The following CYP4X1 variants were observed in gnomAD, a reference collection of about 807,000 sequenced individuals.
CYP4X1 encodes cytochrome P450 4X1.
In CYP4X1, 44 loss-of-function variants were observed where a neutral mutation model predicts 57.9. That is an observed-to-expected ratio of 0.76 (90% confidence interval 0.60 to 0.98). The LOEUF is 0.98. CYP4X1 is among the 50% of genes least tolerant of loss of function. The pLI is 0.00. For missense variants in CYP4X1, 532 were observed against 623.9 expected, an observed-to-expected ratio of 0.85 and a Z score of 1.57; for synonymous variants, 227 against 228.6, an observed-to-expected ratio of 0.99 and a Z score of 0.06.
In CYP4X1 at chr1:47,035,850, G is replaced by C. The variant is rs1461410969; in HGVS notation, c.537G>C (p.Glu179Asp). Residue 179 changes from glutamate (E) to aspartate (D), a missense_variant, in exon 5 of 12, where the codon GAG becomes GAC. Physicochemically the swap from Glu to Asp is conservative, Grantham distance 45. Coordinates refer to ENST00000371901, the MANE Select transcript of CYP4X1 (RefSeq NM_178033.2). ...KICSTQDTSV[E>D]VYEHINSMSL... ...GCAGCACTCAGGACACAAGCGTGGA[G>C]GTCTATGAGCACATCAACTCGATGT... The C allele has an allele frequency of 6.2e-7, 1 of 1,613,530 alleles. No individual in the cohort carries two copies. The highest frequency in any genetic ancestry group is 2.2e-5 in the East Asian group (1 of 44,890).
At chr1:47,027,255 T>C (rs1036968817) in intron 1 of CYP4X1, among the ~76,000 whole-genome samples, 3 of 152,130 alleles carry the variant, frequency 2.0e-5, no homozygotes, top group Admixed American at 1.3e-4. Flanking sequence ...TGTCTAATAT[T>C]ACCAACCCTC....
intron 11 of CYP4X1, among the ~76,000 whole-genome samples, 176 bp from the exon 12 acceptor site, chr1:47,049,824 T>TC (rs1644342480): frequency 6.6e-6 from 1 of 152,176 alleles, no homozygotes. Context: ...TGTTGGAGCC[T>TC]CCCAGCTCAA....
the CYP4X1 span, among the ~76,000 whole-genome samples, chr1:47,006,236 T>G: frequency 6.6e-6 from 1 of 152,220 alleles, no homozygotes; most frequent in Non-Finnish European, 1.5e-5. Context: ...TAAGGAAATA[T>G]GGTTCTAAAA....
intron 1 of CYP4X1, among the ~76,000 whole-genome samples, chr1:47,024,935 C>T (rs1037001434): frequency 6.6e-6 from 1 of 152,152 alleles, no homozygotes; most frequent in Non-Finnish European, 1.5e-5. Flanking sequence ...TTATCGGTTT[C>T]TTCTGGTATT....
intron 8 of CYP4X1, among the ~76,000 whole-genome samples, chr1:47,042,834 A>G (rs1644261226): frequency 6.6e-6 from 1 of 152,040 alleles, no homozygotes; most frequent in South Asian, 2.1e-4. Flanking sequence ...TATACATCCC[A>G]CAATTTCTTT....
the CYP4X1 span, among the ~76,000 whole-genome samples, chr1:46,963,149 C>T: frequency 1.3e-5 from 2 of 152,138 alleles, no homozygotes; most frequent in Non-Finnish European, 2.9e-5. Flanking sequence ...ATGTGTGTCT[C>T]CACATGTGGG....
At chr1:47,006,930 G>A in the CYP4X1 span, among the ~76,000 whole-genome samples, 3 of 152,230 alleles carry the variant, frequency 2.0e-5, no homozygotes, top group Non-Finnish European at 4.4e-5. Flanking sequence ...AAGCGGCTGG[G>A]AAGCTCAAAC....
the CYP4X1 span, among the ~76,000 whole-genome samples, chr1:46,986,792 GA>G: frequency 4.8e-3 from 732 of 152,178 alleles, 11 homozygotes; most frequent in East Asian, 0.045. Flanking sequence ...CTTCATAAGT[GA>G]AGGAGAAATA....
rs1557607787 is a variant in CYP4X1, at chr1:47,039,404, G to A, written c.945G>A (p.Leu315=). The change falls in exon 8 of 12, where the codon TTG becomes TTA. Residue 315 remains leucine (L), a synonymous_variant. Coordinates refer to ENST00000371901, the MANE Select transcript of CYP4X1 (RefSeq NM_178033.2). The part of the protein sequence containing the change: ...DVHSEVSTFL[L]AGHDTLAASI... ...ACTCTGAAGTGAGCACATTCCTGTT[G>A]GCAGGACATGACACCTTGGCAGCAA... 1 of 1,613,416 alleles carries A rather than the reference G, an allele frequency of 6.2e-7. No individual in the cohort carries two copies. The highest frequency in any genetic ancestry group is 1.3e-5 in the African/African-American group (1 of 74,834).
chr1:46,968,639 C>A, the CYP4X1 span, among the ~76,000 whole-genome samples: 1 of 152,174 alleles, frequency 6.6e-6, no homozygotes, highest in Non-Finnish European at 1.5e-5. Context: ...AGTCACAGTC[C>A]AGTGCCTAGG....
chr1:46,996,386 C>T, the CYP4X1 span, among the ~76,000 whole-genome samples: 1 of 152,194 alleles, frequency 6.6e-6, no homozygotes, highest in African/African-American at 2.4e-5. Flanking sequence ...TGCCATGTTT[C>T]TTCCAGTGTT....
At chr1:46,991,013 C>A in the CYP4X1 span, among the ~76,000 whole-genome samples, 24 of 150,234 alleles carry the variant, frequency 1.6e-4, no homozygotes, top group African/African-American at 5.9e-4. Flanking sequence ...CAAACCTGCA[C>A]GTTCTGCACA....
chr1:47,042,989 G>C (rs1454434025), intron 8 of CYP4X1, among the ~76,000 whole-genome samples: 2 of 152,150 alleles, frequency 1.3e-5, no homozygotes, highest in Admixed American at 6.5e-5. Context: ...GGGATTGCTG[G>C]ATCAAATGGT....
At chr1:47,046,660 G>A (rs562884722) in intron 9 of CYP4X1, 60 bp downstream of exon 9, 2 of 1,610,596 alleles carry the variant, frequency 1.2e-6, no homozygotes, top group South Asian at 2.2e-5. Context: ...AGACCACAGT[G>A]ACAAAGATTA....
intron 11 of CYP4X1, 152 bp downstream of exon 11, chr1:47,049,656 G>GTTTT: frequency 2.6e-6 from 2 of 756,040 alleles, no homozygotes; most frequent in Non-Finnish European, 2.2e-6. Context: ...TTTTACAAAG[G>GTTTT]ACAATCGTAT....
At chr1:46,996,034 T>A in the CYP4X1 span, among the ~76,000 whole-genome samples, 28 of 152,322 alleles carry the variant, frequency 1.8e-4, no homozygotes, top group South Asian at 4.4e-3. Context: ...ACTCATTTCT[T>A]AAAACAGTTG....
At chr1:46,994,953 T>C in the CYP4X1 span, among the ~76,000 whole-genome samples, 1 of 152,148 alleles carries the variant, frequency 6.6e-6, no homozygotes, top group Admixed American at 6.6e-5. Context: ...GAGTAGAAAC[T>C]TCTGTTAAAA....
At chr1:47,040,767 T>C (rs12408055) in intron 8 of CYP4X1, among the ~76,000 whole-genome samples, 16,654 of 152,174 alleles carry the variant, frequency 0.11, 965 homozygotes, top group East Asian at 0.21. Flanking sequence ...TCAATGGACA[T>C]GTTCATTAAC....
intron 2 of CYP4X1, among the ~76,000 whole-genome samples, chr1:47,030,633 G>T (rs1033215969): frequency 6.6e-6 from 1 of 152,128 alleles, no homozygotes; most frequent in South Asian, 2.1e-4. Context: ...TTTCAGGTAT[G>T]AGTCATCTAC....
Sources: allele counts gnomAD v4.1 joint callset (sites outside exome capture counted in the v4.1 genomes callset), GRCh38; gene constraint gnomAD v4.1.1; transcripts MANE v1.5; gene names NCBI Gene and HGNC (gene_info 2026-07-23, HGNC 2026-07-21).